The following NR1D2 variants were observed in gnomAD, a reference collection of about 807,000 sequenced individuals.
NR1D2 encodes nuclear receptor subfamily 1 group D member 2.
Under a neutral mutation model 52.2 loss-of-function variants are expected in NR1D2, and 25 were observed. The ratio of observed to expected loss-of-function variants is 0.48; its 90% confidence interval spans 0.35 to 0.67. The LOEUF is 0.67. Among genes scored for constraint, NR1D2 ranks in the 30% least tolerant of loss-of-function variants. The probability of loss-of-function intolerance (pLI) is 0.01; values close to 1 mark genes in which losing one functional copy is unlikely to be tolerated. For missense variants in NR1D2, 681 were observed against 707.2 expected (o/e 0.96, Z 0.42); for synonymous variants, 259 against 230.1 (o/e 1.13, Z -1.14).
intron 1 of NR1D2, chr3:23,946,020 TG>T: frequency 3.8e-6 from 3 of 793,168 alleles, no homozygotes; most frequent in African/African-American, 1.9e-5. Flanking sequence ...CAGGGACACG[TG>T]GGGGCGGGGG....
intron 7 of NR1D2, among the ~76,000 whole-genome samples, chr3:23,970,046 T>C (rs1209911696): frequency 2.6e-5 from 4 of 152,260 alleles, no homozygotes; most frequent in Middle Eastern, 3.4e-3. Flanking sequence ...GCGGGGAGAT[T>C]TTAACCAAAA....
chr3:23,970,837 A>C (rs1350785368), intron 7 of NR1D2, among the ~76,000 whole-genome samples: 1 of 152,070 alleles, frequency 6.6e-6, no homozygotes, highest in Non-Finnish European at 1.5e-5. Flanking sequence ...GCTGGAGTGC[A>C]ATGGCATGAT....
In NR1D2 at chr3:23,954,621, A is replaced by G; in HGVS notation, c.101A>G (p.Gln34Arg). The G allele has an allele frequency of 6.2e-7, 1 of 1,614,022 alleles. No individual in the cohort carries two copies. Among genetic ancestry groups the G allele is most frequent in the Non-Finnish European group, 8.5e-7 (1 of 1,179,902 alleles). Residue 34 changes from glutamine to arginine, a missense_variant, in exon 2 of 8, where the codon CAG becomes CGG. Transcript: ENST00000312521. ...AGTGAGGGTTCTGAGAATAGTTTCC[A>G]GTCCTCCTCCTCTTCTGTTCCATCT... Reference protein sequence around the residue: ...CHSEGSENSFQSSSSSVPSSP... With the variant: ...CHSEGSENSFRSSSSSVPSSP...
At chr3:23,953,665 G>T (rs753580780) in intron 1 of NR1D2, among the ~76,000 whole-genome samples, 6 of 152,252 alleles carry the variant, frequency 3.9e-5, no homozygotes, top group Non-Finnish European at 7.4e-5. Flanking sequence ...AAACAGAAAG[G>T]TGTGGGAGCA....
In NR1D2 at chr3:23,977,244, T is replaced by A; in HGVS notation, c.1565T>A (p.Val522Asp). 1.3e-6 allele frequency: 2 copies of A among 1,598,486 alleles called. No homozygotes were observed. Among genetic ancestry groups the A allele is most frequent in the South Asian group, 2.3e-5 (2 of 88,762 alleles). ...TTAGATCGATCTGGAATAGAAAACG[T>A]CAACTCTGTGGAGGCTTTGCAGGAA... ...VSADRSGIEN[V>D]NSVEALQETL... Residue 522 changes from valine (V) to aspartate (D), a missense_variant, in exon 8 of 8, where the codon GTC (valine) becomes GAC (aspartate). Val to Asp is a radical substitution (Grantham distance 152). This residue lies in a region of NR1D2 where 475 missense variants were observed against 454.5 expected (regional missense o/e 1.05). Transcript: ENST00000312521.
chr3:23,945,667 C>T, intron 1 of NR1D2, 73 bp downstream of exon 1: 1 of 326,512 alleles, frequency 3.1e-6, no homozygotes, highest in Non-Finnish European at 4.3e-6. Context: ...CTTTGGGGGG[C>T]GGCGGCAGGG....
intron 1 of NR1D2, among the ~76,000 whole-genome samples, chr3:23,947,729 G>C (rs1705788780): frequency 6.6e-6 from 1 of 152,148 alleles, no homozygotes; most frequent in Non-Finnish European, 1.5e-5. Context: ...AATTTCTCTC[G>C]TTCATTTGGC....
rs1348216822 is a variant in NR1D2, at chr3:23,946,002, C to T, written c.16+408C>T. ...GCTCGGCTCCCTGACCCACATTCCC[C>T]GGGGCCGCAGGGACACGTGGGGGCG... On this transcript the variant is annotated intron_variant, in intron 1 of 7. Coordinates refer to ENST00000312521, the MANE Select transcript of NR1D2 (RefSeq NM_005126.5). The T allele has an allele frequency of 1.1e-5, 7 of 666,314 alleles. No homozygotes were observed. The East Asian group carries it at 5.4e-4, about 52-fold the overall frequency. 41.3% of individuals were successfully genotyped at this position (666,314 alleles called of 1,614,324 possible). A position where few individuals can be genotyped will look rare whatever the true frequency, so the allele number is the denominator to read the frequency against.
rs886394389 is a variant in NR1D2 at position 23,959,579 on chromosome 3, G to C, written c.373-92G>C. Reference sequence around the variant, plus strand: ...GAGTCATATACTGGGACTGTAGTTCGTCATATACACTAGATAGGTATGGGA... The same window carrying C: ...GAGTCATATACTGGGACTGTAGTTCCTCATATACACTAGATAGGTATGGGA... On this transcript the variant is annotated intron_variant, in intron 3 of 7. Transcript: ENST00000312521. 44 of 1,210,578 alleles carry C rather than the reference G, an allele frequency of 3.6e-5. 1 individual carries two copies. The South Asian group carries it at 6.2e-4, about 17-fold the overall frequency. The allele number at this position is 1,210,578 out of a possible 1,614,324, so 75.0% of individuals were successfully genotyped here.
At chr3:23,945,960 C>A (rs1179475371) in intron 1 of NR1D2, among the ~76,000 whole-genome samples, 1 of 151,214 alleles carries the variant, frequency 6.6e-6, no homozygotes, top group Non-Finnish European at 1.5e-5. Flanking sequence ...CGGCGGCGGG[C>A]GGGGACACGT....
At chr3:23,965,686 T>A (rs28430584) in intron 6 of NR1D2, among the ~76,000 whole-genome samples, 2 of 144,220 alleles carry the variant, frequency 1.4e-5, no homozygotes, top group South Asian at 4.2e-4. Context: ...TTATATATAT[T>A]TTTTACTTAT....
Position 23,968,063 on chromosome 3 carries a change from T to C in NR1D2, c.1543+40T>C. 2.0e-6 allele frequency: 3 copies of C among 1,518,154 alleles called. No individual in the cohort carries two copies. In the South Asian group the frequency reaches 3.4e-5, roughly 17 times the overall value. 94.0% of individuals were successfully genotyped at this position (1,518,154 alleles called of 1,614,324 possible). A position where few individuals can be genotyped will look rare whatever the true frequency, so the allele number is the denominator to read the frequency against. Reference sequence around the variant, plus strand: ...TCAAAATTGTGCCACACCTAGCATATAGTGACCAACTGGGGAGAAGATGGC... The same window carrying C: ...TCAAAATTGTGCCACACCTAGCATACAGTGACCAACTGGGGAGAAGATGGC... On this transcript the variant is annotated intron_variant, in intron 7 of 7. Coordinates refer to ENST00000312521, the MANE Select transcript of NR1D2 (RefSeq NM_005126.5).
At position 23,956,104 on chromosome 3, in the gene NR1D2, T is replaced by C. The variant is rs752883034; in HGVS notation, c.351T>C (p.Val117=). The C allele has an allele frequency of 1.2e-6, 2 of 1,613,822 alleles. No homozygotes were observed. Among genetic ancestry groups the C allele is most frequent in the Middle Eastern group, 3.3e-4 (2 of 6,060 alleles). ...GDVASGFHYG[V]HACEGCKGFF... Reference sequence around the variant, plus strand: ...TGGCGTCAGGATTCCACTATGGAGTTCATGCTTGCGAAGGCTGTAAGGTAA... The same window carrying C: ...TGGCGTCAGGATTCCACTATGGAGTCCATGCTTGCGAAGGCTGTAAGGTAA... The change falls in exon 3 of 8, where the codon GTT becomes GTC. Residue 117 remains valine (V), a synonymous_variant. Transcript: ENST00000312521.
chr3:23,961,088 C>T lies in NR1D2; in HGVS notation c.518-889C>T, dbSNP rs145116100. ...TTATTTTTCAGTAAGTGCATTTCTA[C>T]TGATTGTGGAATTTTTTTTAAGGAT... On this transcript the variant is annotated intron_variant, in intron 4 of 7. Transcript: ENST00000312521. 6.2e-4 allele frequency among the ~76,000 whole-genome samples: 94 copies of T among 152,018 alleles called. 1 individual carries two copies. Among genetic ancestry groups the T allele is most frequent in the African/African-American group, 2.2e-3 (92 of 41,458 alleles).
chr3:23,965,256 T>C (rs1706408709), intron 6 of NR1D2, 94 bp downstream of exon 6: 1 of 953,354 alleles, frequency 1.0e-6, no homozygotes, highest in African/African-American at 1.7e-5. Context: ...TTTTTTTTTT[T>C]TGAGACAGAA....
At chr3:23,960,599 T>C (rs1372687658) in intron 4 of NR1D2, among the ~76,000 whole-genome samples, 1 of 152,192 alleles carries the variant, frequency 6.6e-6, no homozygotes, top group East Asian at 1.9e-4. Flanking sequence ...CCCAAAGCGC[T>C]GGGATTACAG....
At chr3:23,951,480 A>G (rs560693094) in intron 1 of NR1D2, among the ~76,000 whole-genome samples, 4 of 152,360 alleles carry the variant, frequency 2.6e-5, no homozygotes, top group Admixed American at 2.6e-4. Context: ...GACATCTGTG[A>G]AAAAGTAGCA....
chr3:23,954,909 A>C, intron 2 of NR1D2, 106 bp downstream of exon 2: 1 of 996,312 alleles, frequency 1.0e-6, no homozygotes, highest in Non-Finnish European at 1.5e-6. Context: ...TACAGTTTTC[A>C]CTCCTTGCTG....
At chr3:23,961,301 T>C (rs1320633076) in intron 4 of NR1D2, among the ~76,000 whole-genome samples, 1 of 152,122 alleles carries the variant, frequency 6.6e-6, no homozygotes, top group Non-Finnish European at 1.5e-5. Flanking sequence ...AGTCCTCAGC[T>C]TTGTTAGTAA....
Sources: gnomAD v4.1 joint callset for allele counts (sites outside exome capture counted in the v4.1 genomes callset) on GRCh38, gnomAD v4.1.1 for gene constraint, gnomAD v4.1.1 regional missense constraint, MANE v1.5 for transcripts, NCBI Gene and HGNC (gene_info 2026-07-23, HGNC 2026-07-21) for gene names.